Variants in POM121C observed in about 807,000 individuals in gnomAD.
The protein encoded by POM121C is POM121 transmembrane nucleoporin C.
A neutral mutation model predicts 66.4 loss-of-function variants in POM121C; 20 were observed. The ratio of observed to expected loss-of-function variants is 0.30; its 90% CI spans 0.21 to 0.44. POM121C has a LOEUF of 0.44. Ranked by LOEUF, POM121C falls within the 20% of genes least tolerant of loss-of-function variation. The probability of loss-of-function intolerance (pLI) is 1.00; values close to 1 mark genes in which losing one functional copy is unlikely to be tolerated. For synonymous variants in POM121C, 286 were observed against 528.0 expected (o/e 0.54, Z 6.28); for missense variants, 580 against 1,225.7 (o/e 0.47, Z 7.87).
Position 75,473,680 on chromosome 7 carries a change from T to C in POM121C, c.-152+1024A>G, listed in dbSNP as rs587639725. Among the ~76,000 whole-genome samples the C allele has an allele frequency of 8.5e-5, 13 of 152,092 alleles. No individual in the cohort carries two copies. In the South Asian group the frequency reaches 2.7e-3, roughly 32 times the overall value. On this transcript the variant is annotated intron_variant, in intron 3 of 14. Coordinates refer to ENST00000615331, the MANE Select transcript of POM121C (RefSeq NM_001099415.3). ...AAGTCCAAGGTTTTTTTTTGTTTGT[T>C]TGTTTGTTTGTTTTTTTGTTTTTTT... is the stretch of plus-strand genomic sequence containing the variant.
chr7:75,449,366 C>G (rs1353600141), intron 3 of POM121C, among the ~76,000 whole-genome samples: 1 of 135,604 alleles, frequency 7.4e-6, no homozygotes, highest in African/African-American at 2.7e-5. Context: ...TGTTCTCTCT[C>G]TTTTTTTTTT....
intron 3 of POM121C, among the ~76,000 whole-genome samples, chr7:75,456,741 A>C (rs1636637): frequency 6.6e-6 from 1 of 152,288 alleles, no homozygotes; most frequent in African/African-American, 2.4e-5. Flanking sequence ...ACACCCTAAA[A>C]GTTATCAAGA....
intron 12 of POM121C, among the ~76,000 whole-genome samples, chr7:75,423,633 A>C (rs1351827203): frequency 6.6e-6 from 1 of 152,014 alleles, no homozygotes; most frequent in Non-Finnish European, 1.5e-5. Context: ...GTGCGCGCGC[A>C]GTGCCGTGAA....
Position 75,417,669 on chromosome 7 carries a change from G to T in POM121C, c.*1127C>A. 1.0e-6 allele frequency: 1 copy of T among 985,780 alleles called. No individual in the cohort carries two copies. Among genetic ancestry groups the T allele is most frequent in the Non-Finnish European group, 1.2e-6 (1 of 829,880 alleles). The allele number at this position is 985,780 out of a possible 1,614,324, so 61.1% of individuals were successfully genotyped here. ...TTTGGGTGACGTAGCCTCCAGTGAGGTCAGTTAAGTGGGACAGAAACCGCA... is the reference window on the plus strand; with the variant it reads ...TTTGGGTGACGTAGCCTCCAGTGAGTTCAGTTAAGTGGGACAGAAACCGCA... On this transcript the variant is annotated 3_prime_UTR_variant, in exon 15 of 15. Coordinates refer to ENST00000615331, the MANE Select transcript of POM121C (RefSeq NM_001099415.3).
intron 3 of POM121C, among the ~76,000 whole-genome samples, chr7:75,469,438 A>G (rs1471869520): frequency 6.6e-6 from 1 of 152,064 alleles, no homozygotes; most frequent in East Asian, 1.9e-4. Flanking sequence ...GACCACTTCT[A>G]TCTGCAGCTG....
In POM121C at chr7:75,441,879, TCTAAATCTAGA is replaced by T. The variant is rs587679605; in HGVS notation, c.-151-243_-151-233del. On this transcript the variant is annotated intron_variant, in intron 3 of 14. Transcript: ENST00000615331. ...GATTGCAACAATTTGAGAGGGAAAA[TCTAAATCTAGA>T]CTAAATCTAGACTGCACTAAAATTC... Among the ~76,000 whole-genome samples the T allele has an allele frequency of 3.7e-3, 559 of 150,936 alleles. 3 individuals carry two copies. The highest frequency in any genetic ancestry group is 0.013 in the African/African-American group (527 of 41,004).
At chr7:75,462,444 C>T (rs1791476342) in intron 3 of POM121C, among the ~76,000 whole-genome samples, 1 of 150,528 alleles carries the variant, frequency 6.6e-6, no homozygotes, top group Non-Finnish European at 1.5e-5. Flanking sequence ...CAAATGAACA[C>T]TGAATCAAGA....
chr7:75,431,074 C>CAAA (rs34253601), intron 7 of POM121C, among the ~76,000 whole-genome samples: 4 of 59,718 alleles, frequency 6.7e-5, no homozygotes, highest in Non-Finnish European at 1.2e-4. Context: ...GACTCTGTCT[C>CAAA]AAAAAAAAAA....
At chr7:75,465,503 C>T (rs1205861763) in intron 3 of POM121C, among the ~76,000 whole-genome samples, 5 of 151,488 alleles carry the variant, frequency 3.3e-5, no homozygotes, top group Non-Finnish European at 5.9e-5. Context: ...ACCTGTAATC[C>T]CAGCACTTTG....
chr7:75,479,480 A>G (rs587744577), intron 1 of POM121C, among the ~76,000 whole-genome samples: 1,600 of 149,780 alleles, frequency 0.011, 50 homozygotes, highest in African/African-American at 0.036. Context: ...GCCGGGCGTG[A>G]TGGTGGGTGT....
Position 75,429,121 on chromosome 7 carries a change from C to G in POM121C, c.481-2668G>C, listed in dbSNP as rs1790072097. On this transcript the variant is annotated intron_variant, in intron 7 of 14. Coordinates refer to ENST00000615331, the MANE Select transcript of POM121C (RefSeq NM_001099415.3). The stretch of plus-strand genomic sequence containing the variant: ...AAGACAAGGATGTTTATTATTATGT[C>G]TATTCAACTCAAAGTCCTAGCCAAG... Among the ~76,000 whole-genome samples the G allele has an allele frequency of 2.0e-5, 3 of 152,112 alleles. No individual in the cohort carries two copies. In the South Asian group the frequency reaches 6.2e-4, roughly 31 times the overall value.
chr7:75,430,392 C>T (rs1790120005), intron 7 of POM121C, among the ~76,000 whole-genome samples: 1 of 152,108 alleles, frequency 6.6e-6, no homozygotes, highest in South Asian at 2.1e-4. Flanking sequence ...AAAGGCAGTG[C>T]TGCAGAGAAA....
chr7:75,454,161 TGA>T (rs1791125152), intron 3 of POM121C, among the ~76,000 whole-genome samples: 1 of 152,084 alleles, frequency 6.6e-6, no homozygotes, highest in South Asian at 2.1e-4. Flanking sequence ...GGTCATGTTA[TGA>T]GAGGAGTGTG....
chr7:75,441,987 C>CCA (rs782731522), intron 3 of POM121C, among the ~76,000 whole-genome samples: 6 of 151,584 alleles, frequency 4.0e-5, no homozygotes, highest in African/African-American at 7.3e-5. Flanking sequence ...GAGTCAGAGG[C>CCA]CAGGAGACGG....
chr7:75,476,377 T>C (rs1554479368), intron 1 of POM121C, among the ~76,000 whole-genome samples: 1 of 151,836 alleles, frequency 6.6e-6, no homozygotes, highest in African/African-American at 2.4e-5. Flanking sequence ...GATTACAGGC[T>C]TGAGCCAGCA....
rs189507108 is a variant in POM121C, at chr7:75,438,346, T to C, written c.309-660A>G. 5.9e-5 allele frequency among the ~76,000 whole-genome samples: 9 copies of C among 152,308 alleles called. 1 individual carries two copies. In the East Asian group the frequency reaches 1.7e-3, roughly 29 times the overall value. On this transcript the variant is annotated intron_variant, in intron 6 of 14. Transcript: ENST00000615331. ...CCTATTTGAAGTCAAACAGAGCAAGTTATTTCGCTTCTTTCAAGGGACAGT... is the reference window on the plus strand; with the variant it reads ...CCTATTTGAAGTCAAACAGAGCAAGCTATTTCGCTTCTTTCAAGGGACAGT...
At position 75,486,050 on chromosome 7, in the gene POM121C, C is replaced by T; in HGVS notation, c.-644G>A. The T allele has an allele frequency of 4.5e-6, 2 of 444,804 alleles. No individual in the cohort carries two copies. The highest frequency in any genetic ancestry group is 8.9e-6 in the Non-Finnish European group (2 of 224,982). The allele number at this position is 444,804 out of a possible 1,614,324, so 27.6% of individuals were successfully genotyped here. On this transcript the variant is annotated 5_prime_UTR_variant, in exon 1 of 15. Transcript: ENST00000615331. ...CGGGTGTCCTTCTCGGGGCCCAGAT[C>T]CGCCTCCCTGGGGCTCCCGGCCCCT...
At chr7:75,438,061 T>C (rs1370664999) in intron 6 of POM121C, among the ~76,000 whole-genome samples, 1 of 152,126 alleles carries the variant, frequency 6.6e-6, no homozygotes, top group Non-Finnish European at 1.5e-5. Flanking sequence ...CGTGTCAAAA[T>C]GTCACATGCT....
chr7:75,430,676 T>C (rs1259940506), intron 7 of POM121C, among the ~76,000 whole-genome samples: 5 of 152,176 alleles, frequency 3.3e-5, no homozygotes, highest in African/African-American at 1.2e-4. Flanking sequence ...GGAAGTAGAA[T>C]GGCAAGAGCA....
Sources: allele counts gnomAD v4.1 joint callset (sites outside exome capture counted in the v4.1 genomes callset), GRCh38; gene constraint gnomAD v4.1.1; transcripts MANE v1.5; gene names NCBI Gene and HGNC (gene_info 2026-07-23, HGNC 2026-07-21).